Variants in BRD9 observed in about 807,000 individuals in gnomAD.
BRD9 encodes the protein bromodomain containing 9, also known as bromodomain-containing protein 9.
In BRD9, 47 loss-of-function variants were observed where a neutral mutation model predicts 68.7. That is an observed-to-expected ratio of 0.68 (90% CI 0.54 to 0.87). The LOEUF is 0.87. BRD9 is among the 40% of genes least tolerant of loss of function. The probability of loss-of-function intolerance (pLI) is 0.00; values close to 1 mark genes in which losing one functional copy is unlikely to be tolerated. For missense variants in BRD9, 670 were observed against 748.4 expected, an observed-to-expected ratio of 0.90 and a Z score of 1.22; for synonymous variants, 313 against 293.9, an observed-to-expected ratio of 1.06 and a Z score of -0.67.
In BRD9 at chr5:887,433, G is replaced by T; in HGVS notation, c.645C>A (p.Tyr215Ter). ...TGTAGTACACGGTATCTGGCCTATT[G>T]TATGTCATTGCATTATCACACATCA... ...FKLMCDNAMT[Y>*]NRPDTVYYKL... Residue 215 changes from tyrosine (Y) to a stop codon, truncating the protein, a stop_gained, in exon 6 of 16, where the codon TAC becomes TAA. Coordinates refer to ENST00000467963, the MANE Select transcript of BRD9 (RefSeq NM_023924.5). LOFTEE classifies it high-confidence loss of function. The T allele has an allele frequency of 6.2e-7, 1 of 1,614,058 alleles. No individual in the cohort carries two copies.
chr5:888,993 A>G, intron 5 of BRD9, 28 bp downstream of exon 5: 1 of 1,598,274 alleles, frequency 6.3e-7, no homozygotes, highest in Non-Finnish European at 8.5e-7. Context: ...CTATGCCACG[A>G]TTACTTCGGG....
Position 871,408 on chromosome 5 carries a change from G to C in BRD9, c.1422+118C>G. 6 of 901,188 alleles carry C rather than the reference G, an allele frequency of 6.7e-6. No homozygotes were observed. The South Asian group carries it at 8.1e-5, about 12-fold the overall frequency. The allele number at this position is 901,188 out of a possible 1,614,324, so 55.8% of individuals were successfully genotyped here. A position where few individuals can be genotyped will look rare whatever the true frequency, so the allele number is the denominator to read the frequency against. On this transcript the variant is annotated intron_variant, in intron 13 of 15. Coordinates refer to ENST00000467963, the MANE Select transcript of BRD9 (RefSeq NM_023924.5). The stretch of plus-strand genomic sequence containing the variant: ...GAAACACTATTGATCTTACTGATCA[G>C]AAACGGACTCCATTTCTAAACGCCG...
At chr5:883,707 C>T (rs1045593989) in intron 8 of BRD9, 22 of 591,806 alleles carry the variant, frequency 3.7e-5, no homozygotes, top group Admixed American at 2.2e-4. Context: ...TCAGTGACCA[C>T]GTGGCCTCCA....
chr5:876,357 C>A, intron 11 of BRD9, 145 bp from the exon 12 acceptor site: 1 of 598,542 alleles, frequency 1.7e-6, no homozygotes, highest in Non-Finnish European at 3.0e-6. Flanking sequence ...TGGGGAGTGG[C>A]TGATAGTTTT....
At chr5:891,878 T>G in intron 1 of BRD9, 24 bp from the exon 2 acceptor site, 1 of 1,549,630 alleles carries the variant, frequency 6.5e-7, no homozygotes, top group Non-Finnish European at 8.7e-7. Flanking sequence ...GACCGAGTTC[T>G]ACCCGCGTGC....
rs530116081 is a variant in BRD9, at chr5:891,921, G to A, written c.53-67C>T. 2.1e-5 allele frequency: 33 copies of A among 1,538,048 alleles called. No individual in the cohort carries two copies. The South Asian group carries it at 4.0e-4, about 19-fold the overall frequency. ...CAAACGCCACGCAGCCAGGTGAGAC[G>A]TGAAGGTGCTAAGAGGGAAAGGCCT... On this transcript the variant is annotated intron_variant, in intron 1 of 15. Transcript: ENST00000467963.
intron 12 of BRD9, 33 bp downstream of exon 12, chr5:876,068 C>T (rs1244155541): frequency 3.9e-6 from 6 of 1,523,282 alleles, no homozygotes; most frequent in Non-Finnish European, 5.4e-6. Flanking sequence ...CCAAGGGCAC[C>T]TGCCCCCCAA....
At position 865,587 on chromosome 5, in the gene BRD9, T is replaced by C. The variant is rs78319709; in HGVS notation, c.1526-6A>G. ...CAGCTCCTTCTTCACCTTCCCTGTG[T>C]AAACAGGACATGACCCCACGTCGGC... On this transcript the variant is annotated splice_region_variant and splice_polypyrimidine_tract_variant and intron_variant, in intron 14 of 15. Coordinates refer to ENST00000467963, the MANE Select transcript of BRD9 (RefSeq NM_023924.5). 1,614 of 1,593,618 alleles carry C rather than the reference T, an allele frequency of 1.0e-3. 19 individuals are homozygous for C. In the African/African-American group the frequency reaches 0.019, roughly 18 times the overall value.
chr5:869,426 AT>A (rs2150556805), intron 14 of BRD9: 1 of 453,118 alleles, frequency 2.2e-6, no homozygotes, highest in East Asian at 7.0e-5. Flanking sequence ...ATCTCAAAAT[AT>A]ATCCCTTTGA....
intron 3 of BRD9, 24 bp from the exon 4 acceptor site, chr5:889,671 T>A: frequency 6.2e-7 from 1 of 1,605,464 alleles, no homozygotes; most frequent in Non-Finnish European, 8.5e-7. Flanking sequence ...GAAAAAAAAA[T>A]TGAATACAAG....
intron 8 of BRD9, 69 bp from the exon 9 acceptor site, chr5:881,251 C>A: frequency 6.8e-7 from 1 of 1,462,964 alleles, no homozygotes; most frequent in Non-Finnish European, 9.5e-7. Context: ...AAATGAAGAC[C>A]AACAAGCAGG....
chr5:864,722 G>A (rs1262956391), intron 15 of BRD9, among the ~76,000 whole-genome samples, 154 bp from the exon 16 acceptor site: 2 of 152,214 alleles, frequency 1.3e-5, no homozygotes, highest in African/African-American at 4.8e-5. Context: ...AAGGAGAGCT[G>A]TGTGTAGAGA....
intron 11 of BRD9, among the ~76,000 whole-genome samples, chr5:877,210 T>G (rs529452243): frequency 6.6e-6 from 1 of 152,320 alleles, no homozygotes; most frequent in East Asian, 1.9e-4. Context: ...GGGAGCCGAC[T>G]GCGGACAGGA....
At chr5:880,553 G>A (rs1367064544) in intron 9 of BRD9, among the ~76,000 whole-genome samples, 6 of 152,112 alleles carry the variant, frequency 3.9e-5, no homozygotes, top group Non-Finnish European at 7.4e-5. Flanking sequence ...CAGGCTGCAC[G>A]TTCCTCACGC....
At chr5:883,729 A>T in intron 8 of BRD9, 1 of 654,716 alleles carries the variant, frequency 1.5e-6, no homozygotes, top group Non-Finnish European at 2.6e-6. Context: ...GATGCATGAA[A>T]CACCAGCGGC....
chr5:872,421 C>T (rs753890998), intron 12 of BRD9, among the ~76,000 whole-genome samples: 4 of 152,182 alleles, frequency 2.6e-5, no homozygotes, highest in Admixed American at 6.5e-5. Flanking sequence ...CTAACTGGAA[C>T]CCAGAGAGGA....
At position 891,007 on chromosome 5, in the gene BRD9, G is replaced by A. The variant is rs577171477; in HGVS notation, c.400+148C>T. On this transcript the variant is annotated intron_variant, in intron 3 of 15. Transcript: ENST00000467963. ...TTCAGAGACACCGGAGGAAACCTCA[G>A]GCCAGAGGACACCTGGGATGAGGCC... The A allele has an allele frequency of 1.1e-4, 108 of 1,026,478 alleles. No homozygotes were observed. In the African/African-American group the frequency reaches 1.6e-3, roughly 15 times the overall value. The allele number at this position is 1,026,478 out of a possible 1,614,324, so 63.6% of individuals were successfully genotyped here.
At position 864,196 on chromosome 5, in the gene BRD9, GA is replaced by G. The variant is rs754583975; in HGVS notation, c.*271del. ...CGATGGCCACACGCCCTTCGTGTAT[GA>G]CTCCACTCCTCAGGGTTCACGGGGC... is the stretch of plus-strand genomic sequence containing the variant. On this transcript the variant is annotated 3_prime_UTR_variant, in exon 16 of 16. Coordinates refer to ENST00000467963, the MANE Select transcript of BRD9 (RefSeq NM_023924.5). 1.4e-5 allele frequency: 4 copies of G among 283,754 alleles called. No individual in the cohort carries two copies. Among genetic ancestry groups the G allele is most frequent in the African/African-American group, 2.2e-5 (1 of 45,600 alleles). 17.6% of individuals were successfully genotyped at this position (283,754 alleles called of 1,614,324 possible). A position where few individuals can be genotyped will look rare whatever the true frequency, so the allele number is the denominator to read the frequency against.
chr5:884,208 T>G, intron 7 of BRD9, 138 bp from the exon 8 acceptor site: 1 of 1,037,996 alleles, frequency 9.6e-7, no homozygotes, highest in Non-Finnish European at 1.4e-6. Flanking sequence ...TAACTCCTTT[T>G]AGGTCTCAAA....
Sources: gnomAD v4.1 joint callset for allele counts (sites outside exome capture counted in the v4.1 genomes callset) on GRCh38, gnomAD v4.1.1 for gene constraint, MANE v1.5 for transcripts, NCBI Gene and HGNC (gene_info 2026-07-23, HGNC 2026-07-21) for gene names.